The following TSHZ2 variants were observed in gnomAD, a reference collection of about 807,000 sequenced individuals.
TSHZ2 encodes teashirt homolog 2.
Under a neutral mutation model 74.4 loss-of-function variants are expected in TSHZ2, and 21 were observed. That is an observed-to-expected ratio of 0.28 (90% CI 0.20 to 0.41). The LOEUF is 0.41. Among genes scored for constraint, TSHZ2 ranks in the 10% least tolerant of loss-of-function variants. The pLI, the probability that TSHZ2 is intolerant of heterozygous loss-of-function variation, is 1.00. For missense variants in TSHZ2, 1,244 were observed against 1,293.5 expected (o/e 0.96, Z 0.59); for synonymous variants, 540 against 515.3 (o/e 1.05, Z -0.65).
intron 2 of TSHZ2, among the ~76,000 whole-genome samples, chr20:53,402,453 C>T (rs1195045643): frequency 6.6e-6 from 1 of 152,098 alleles, no homozygotes; most frequent in African/African-American, 2.4e-5. Context: ...TACCATGCAG[C>T]CTAGGTGTGT....
intron 1 of TSHZ2, among the ~76,000 whole-genome samples, chr20:53,038,180 G>A (rs927030739): frequency 1.6e-5 from 2 of 125,824 alleles, no homozygotes; most frequent in African/African-American, 6.4e-5. Context: ...CGACAAGAGC[G>A]GGATTCCGTC....
At chr20:53,388,640 C>T (rs1184707794) in intron 2 of TSHZ2, among the ~76,000 whole-genome samples, 3 of 148,396 alleles carry the variant, frequency 2.0e-5, no homozygotes, top group Non-Finnish European at 4.5e-5. Flanking sequence ...GTTGCCCAGG[C>T]GACCTTGGCT....
chr20:53,061,783 T>C (rs1984831249), intron 1 of TSHZ2, among the ~76,000 whole-genome samples: 1 of 152,210 alleles, frequency 6.6e-6, no homozygotes, highest in Non-Finnish European at 1.5e-5. Flanking sequence ...AGACATGTTT[T>C]TTATGTATGA....
intron 2 of TSHZ2, among the ~76,000 whole-genome samples, chr20:53,311,709 C>T (rs1433782302): frequency 6.6e-6 from 1 of 152,176 alleles, no homozygotes; most frequent in Non-Finnish European, 1.5e-5. Flanking sequence ...CCAGCAGTTT[C>T]CACTCTCATG....
chr20:53,210,514 G>A (rs892004661), intron 1 of TSHZ2, among the ~76,000 whole-genome samples: 1 of 151,976 alleles, frequency 6.6e-6, no homozygotes, highest in Non-Finnish European at 1.5e-5. Flanking sequence ...ATTCCTGTCA[G>A]CATTCAGACG....
intron 2 of TSHZ2, among the ~76,000 whole-genome samples, chr20:53,347,238 G>A (rs556577376): frequency 6.6e-6 from 1 of 152,250 alleles, no homozygotes. Context: ...TTGTTGAGAA[G>A]CATCTCTAGC....
intron 2 of TSHZ2, among the ~76,000 whole-genome samples, chr20:53,313,870 T>C (rs558431787): frequency 2.6e-5 from 4 of 152,168 alleles, no homozygotes; most frequent in Non-Finnish European, 5.9e-5. Context: ...TGCTTAAACA[T>C]AGAGATCGTG....
At chr20:53,098,958 T>A (rs1013857397) in intron 1 of TSHZ2, among the ~76,000 whole-genome samples, 2 of 152,244 alleles carry the variant, frequency 1.3e-5, no homozygotes, top group Non-Finnish European at 2.9e-5. Flanking sequence ...TCTCTTAGCA[T>A]ATTTTCATAT....
chr20:53,303,075 G>C (rs923842822), intron 2 of TSHZ2, among the ~76,000 whole-genome samples: 1 of 152,114 alleles, frequency 6.6e-6, no homozygotes, highest in African/African-American at 2.4e-5. Context: ...CAGATGTAGC[G>C]CTGCATTTTG....
intron 1 of TSHZ2, among the ~76,000 whole-genome samples, chr20:53,088,366 A>G (rs1985762314): frequency 1.3e-5 from 2 of 152,334 alleles, no homozygotes; most frequent in East Asian, 1.9e-4. Flanking sequence ...GGAAATTGCA[A>G]TGAGTAATTT....
At chr20:53,062,988 G>A (rs956312053) in intron 1 of TSHZ2, among the ~76,000 whole-genome samples, 1 of 152,134 alleles carries the variant, frequency 6.6e-6, no homozygotes, top group Non-Finnish European at 1.5e-5. Flanking sequence ...GAAATAAGGA[G>A]GGCTGAGGAA....
chr20:53,159,324 C>A (rs1338022353), intron 1 of TSHZ2, among the ~76,000 whole-genome samples: 1 of 152,172 alleles, frequency 6.6e-6, no homozygotes, highest in Non-Finnish European at 1.5e-5. Context: ...AGCCCAACAT[C>A]TGTTTTTGGA....
chr20:53,007,164 C>T (rs1982674323), intron 1 of TSHZ2, among the ~76,000 whole-genome samples: 1 of 152,124 alleles, frequency 6.6e-6, no homozygotes, highest in East Asian at 1.9e-4. Flanking sequence ...GAACTTGATA[C>T]TTGAAGGCTT....
At chr20:53,280,637 G>T (rs6022373) in intron 2 of TSHZ2, among the ~76,000 whole-genome samples, 2 of 144,616 alleles carry the variant, frequency 1.4e-5, no homozygotes, top group Non-Finnish European at 3.0e-5. Flanking sequence ...TCAACAAGTC[G>T]TTTTTTTGTT....
At chr20:53,025,020 C>T (rs964595083) in intron 1 of TSHZ2, among the ~76,000 whole-genome samples, 7 of 151,830 alleles carry the variant, frequency 4.6e-5, no homozygotes, top group Admixed American at 2.0e-4. Context: ...ATATGTATAT[C>T]GTGTGTAAAT....
At chr20:53,465,019 C>A (rs1034014050) in intron 2 of TSHZ2, among the ~76,000 whole-genome samples, 2 of 152,132 alleles carry the variant, frequency 1.3e-5, no homozygotes, top group Admixed American at 6.5e-5. Context: ...GCATCCTGGG[C>A]AACTTGGGTT....
At chr20:53,411,023 C>T (rs1007698239) in intron 2 of TSHZ2, among the ~76,000 whole-genome samples, 6 of 152,086 alleles carry the variant, frequency 3.9e-5, no homozygotes, top group African/African-American at 1.2e-4. Context: ...ATTCAATGTT[C>T]CCTGGATCCT....
chr20:53,328,287 G>A (rs2145541401), intron 2 of TSHZ2, among the ~76,000 whole-genome samples: 1 of 152,290 alleles, frequency 6.6e-6, no homozygotes, highest in South Asian at 2.1e-4. Context: ...GCCTATTCTG[G>A]AAAATACTGG....
chr20:52,976,134 C>T (rs1981329240), intron 1 of TSHZ2, among the ~76,000 whole-genome samples: 1 of 152,162 alleles, frequency 6.6e-6, no homozygotes, highest in African/African-American at 2.4e-5. Flanking sequence ...GAATCAATTA[C>T]AGAACTTTCT....
Sources: allele counts gnomAD v4.1 joint callset (sites outside exome capture counted in the v4.1 genomes callset), GRCh38; gene constraint gnomAD v4.1.1; transcripts MANE v1.5; gene names NCBI Gene and HGNC (gene_info 2026-07-23, HGNC 2026-07-21).